Variants in MUC6 observed in about 807,000 individuals in gnomAD.
The protein encoded by MUC6 is mucin-6.
In MUC6, 188 loss-of-function variants were observed where a neutral mutation model predicts 201.5. The ratio of observed to expected loss-of-function variants is 0.93; its 90% CI spans 0.83 to 1.05. The LOEUF is 1.05. Ranked by LOEUF, MUC6 falls within the 50% of genes least tolerant of loss-of-function variation. The probability of loss-of-function intolerance (pLI) is 0.00; values close to 1 mark genes in which losing one functional copy is unlikely to be tolerated. For missense variants in MUC6, 2,706 were observed against 3,256.9 expected, an observed-to-expected ratio of 0.83 and a Z score of 4.12; for synonymous variants, 1,228 against 1,389.4, an observed-to-expected ratio of 0.88 and a Z score of 2.58.
chr11:1,029,330 C>A lies in MUC6; in HGVS notation c.1173G>T (p.Arg391=). Residue 391 remains arginine (R), a synonymous_variant, in exon 10 of 33, where the codon CGG becomes CGT. Coordinates refer to ENST00000421673, the MANE Select transcript of MUC6 (RefSeq NM_005961.3). ...CCAGGGAGCAGTGTCCGGGGCACGG[C>A]CGCTCCGTGCACACCCAGCGGCCCA... is the stretch of plus-strand genomic sequence containing the variant. ...CTLGRWVCTE[R]PCPGHCSLEG... is the part of the protein sequence containing the mutation. The A allele has an allele frequency of 6.2e-7, 1 of 1,603,966 alleles. No individual in the cohort carries two copies. Among genetic ancestry groups the A allele is most frequent in the Non-Finnish European group, 8.5e-7 (1 of 1,176,256 alleles).
Position 1,025,000 on chromosome 11 carries a change from G to A in MUC6, c.3069C>T (p.Ser1023=), listed in dbSNP as rs767284220. Reference sequence around the variant, plus strand: ...TCCACGAGTTCACCAACTCCAGCTCGCTGGATGCCACGTACCTGCTGCGCG... The same window carrying A: ...TCCACGAGTTCACCAACTCCAGCTCACTGGATGCCACGTACCTGCTGCGCG... The part of the protein sequence containing the change: ...FETRSRYVAS[S]ELELVNSWKE... The change falls in exon 24 of 33, where the codon AGC becomes AGT. Residue 1023 remains serine, a synonymous_variant. Coordinates refer to ENST00000421673, the MANE Select transcript of MUC6 (RefSeq NM_005961.3). 1.3e-5 allele frequency: 21 copies of A among 1,613,136 alleles called. No individual in the cohort carries two copies. The highest frequency in any genetic ancestry group is 2.2e-5 in the South Asian group (2 of 91,080).
At chr11:1,024,485 G>A (rs1189565585) in intron 24 of MUC6, among the ~76,000 whole-genome samples, 3 of 152,204 alleles carry the variant, frequency 2.0e-5, no homozygotes, top group Admixed American at 6.5e-5. Context: ...CGCGATGGCC[G>A]GATCACGCCC....
At chr11:1,014,946 G>A (rs1400671120) in intron 31 of MUC6, among the ~76,000 whole-genome samples, 4 of 152,182 alleles carry the variant, frequency 2.6e-5, no homozygotes, top group Non-Finnish European at 4.4e-5. Context: ...GGAGGGACCC[G>A]AACCAAGATT....
Position 1,027,416 on chromosome 11 carries a change from C to T in MUC6, c.2083G>A (p.Ala695Thr), listed in dbSNP as rs202142128. ...CAGTTGCAACCGTCCACGGGCACGG[C>T]GCTGTGGTGGCACTCGGTGGCACGG... ...SDRATECHHS[A>T]VPVDGCNCPD... is the part of the protein sequence containing the mutation. The change falls in exon 17 of 33, where the codon GCC (alanine) becomes ACC (threonine). Residue 695 changes from alanine to threonine, a missense_variant. Physicochemically the swap from Ala to Thr is moderately conservative, Grantham distance 58. This residue lies in a region of MUC6 where 1,850 missense variants were observed against 1,958.3 expected (regional missense o/e 0.94). Coordinates refer to ENST00000421673, the MANE Select transcript of MUC6 (RefSeq NM_005961.3). The T allele has an allele frequency of 8.7e-6, 14 of 1,612,808 alleles. No individual in the cohort carries two copies. The highest frequency in any genetic ancestry group is 6.7e-5 in the East Asian group (3 of 44,874).
At chr11:1,023,702 G>GCCCTGA (rs1856880849) in intron 25 of MUC6, 50 bp from the exon 26 acceptor site, 5 of 1,600,516 alleles carry the variant, frequency 3.1e-6, no homozygotes, top group African/African-American at 1.3e-5. Context: ...CCTGGCCCTG[G>GCCCTGA]CCCTGACCCG....
rs754199719 is a variant in MUC6, at chr11:1,025,001, C to T, written c.3068G>A (p.Ser1023Asn). The T allele has an allele frequency of 4.3e-6, 7 of 1,613,054 alleles. No individual in the cohort carries two copies. In the East Asian group the frequency reaches 1.6e-4, roughly 36 times the overall value. ...FETRSRYVAS[S>N]ELELVNSWKE... The stretch of plus-strand genomic sequence containing the variant: ...CCACGAGTTCACCAACTCCAGCTCG[C>T]TGGATGCCACGTACCTGCTGCGCGT... Residue 1023 changes from serine (S) to asparagine (N), a missense_variant, in exon 24 of 33, where the codon AGC becomes AAC. By Grantham distance (46) the Ser-to-Asn change is conservative. This residue lies in a region of MUC6 where 1,850 missense variants were observed against 1,958.3 expected (regional missense o/e 0.94). Coordinates refer to ENST00000421673, the MANE Select transcript of MUC6 (RefSeq NM_005961.3).
At position 1,025,366 on chromosome 11, in the gene MUC6, C is replaced by G. The variant is rs1165067635; in HGVS notation, c.2801G>C (p.Gly934Ala). The change falls in exon 23 of 33, where the codon GGC becomes GCC. Residue 934 changes from glycine (G) to alanine (A), a missense_variant and splice_region_variant. Around this residue, in one of 10 missense-constraint regions of MUC6, gnomAD observed 1,850 missense variants for 1,958.3 expected, o/e 0.94. Transcript: ENST00000421673. The part of the protein sequence containing the change: ...CSRAIKIFLG[G>A]LSVVLADRNY... ...TCTGTCCGCCAGCACCACGGACAGG[C>G]CCTGTGGGGTGGGGTTGGCATAGGA... 6.2e-7 allele frequency: 1 copy of G among 1,607,658 alleles called. No individual in the cohort carries two copies. Among genetic ancestry groups the G allele is most frequent in the African/African-American group, 1.3e-5 (1 of 74,878 alleles).
In MUC6 at chr11:1,015,833, A is replaced by G; in HGVS notation, c.6968T>C (p.Leu2323Pro). ...SPTTRFLTSS[L>P]TAHGSTPASA... ...AGCAGGGGTGCTTCCATGGGCAGTG[A>G]GGGAGCTGGTCAGGAACCGTGTGGT... is the stretch of plus-strand genomic sequence containing the variant. The change falls in exon 31 of 33, where the codon CTC (leucine) becomes CCC (proline). Residue 2323 changes from leucine (L) to proline (P), a missense_variant. Physicochemically the swap from Leu to Pro is moderately conservative, Grantham distance 98. This residue lies in a region of MUC6 where 586 missense variants were observed against 488.0 expected (regional missense o/e 1.20). Transcript: ENST00000421673. 6.3e-7 allele frequency: 1 copy of G among 1,587,304 alleles called. No individual in the cohort carries two copies. The highest frequency in any genetic ancestry group is 8.6e-7 in the Non-Finnish European group (1 of 1,164,568).
At chr11:1,020,304 C>G in intron 28 of MUC6, 47 bp from the exon 29 acceptor site, 1 of 1,554,678 alleles carries the variant, frequency 6.4e-7, no homozygotes, top group Non-Finnish European at 8.7e-7. Flanking sequence ...CCGGCATATC[C>G]TTGGGGAGCA....
intron 22 of MUC6, 35 bp from the exon 23 acceptor site, chr11:1,025,402 G>A (rs776709542): frequency 1.9e-6 from 3 of 1,589,764 alleles, no homozygotes; most frequent in Non-Finnish European, 2.6e-6. Flanking sequence ...CTGCCTGTCT[G>A]TCTCCCCCGG....
In MUC6 at chr11:1,033,561, A is replaced by G. The variant is rs72842418; in HGVS notation, c.53-486T>C. On this transcript the variant is annotated intron_variant, in intron 1 of 32. Transcript: ENST00000421673. This position sits in a 1 kb window ranked among gnomAD's most constrained non-coding sequence, Gnocchi z 5.6. ...TCTCGGTGGCTCCGGGGCTCTAAAC[A>G]TGGCCGCTTTCCTGCACGTCAGCCT... 0.11 allele frequency among the ~76,000 whole-genome samples: 16,896 copies of G among 151,468 alleles called. 1,313 individuals carry two copies. Among genetic ancestry groups the G allele is most frequent in the South Asian group, 0.34 (1,628 of 4,748 alleles).
intron 4 of MUC6, 129 bp from the exon 5 acceptor site, chr11:1,031,388 A>T: frequency 3.4e-6 from 4 of 1,163,032 alleles, no homozygotes; most frequent in Non-Finnish European, 3.6e-6. Context: ...GCCTCTTCTT[A>T]TGGGAGGCTA....
chr11:1,013,987 G>A lies in MUC6; in HGVS notation c.7054C>T (p.Arg2352Trp), dbSNP rs10902268. Residue 2352 changes from arginine to tryptophan, a missense_variant, in exon 32 of 33, where the codon CGG becomes TGG. This residue lies in a region of MUC6 where 586 missense variants were observed against 488.0 expected (regional missense o/e 1.20). Coordinates refer to ENST00000421673, the MANE Select transcript of MUC6 (RefSeq NM_005961.3). ...AACGTGATCTCCTCCTGCTGCTCCC[G>A]CACACTGCAGACCCCTGGTAGCCGA... ...TPTSPGVCSV[R>W]EQQEEITFKG... 154,080 of 1,606,538 alleles carry A rather than the reference G, an allele frequency of 0.096. 9,412 individuals carry two copies. Among genetic ancestry groups the A allele is most frequent in the Admixed American group, 0.3 (17,879 of 59,018 alleles).
chr11:1,034,622 CT>C (rs1205886048), intron 1 of MUC6, among the ~76,000 whole-genome samples: 1 of 152,208 alleles, frequency 6.6e-6, no homozygotes, highest in African/African-American at 2.4e-5. Flanking sequence ...CTGCCTGCCC[CT>C]GGGCCAGCAC....
In MUC6 at chr11:1,020,254, G is replaced by A; in HGVS notation, c.3644C>T (p.Ser1215Leu). Reference sequence around the variant, plus strand: ...CATGGGCCAGACTTGCGTGGGCCGTGAGCCTGGGTGGGCGGACATGCCATC... The same window carrying A: ...CATGGGCCAGACTTGCGTGGGCCGTAAGCCTGGGTGGGCGGACATGCCATC... ...PTTPQLPTTG[S>L]RPTQVWPMTG... The change falls in exon 29 of 33, where the codon TCA becomes TTA. Residue 1215 changes from serine to leucine, a missense_variant. By Grantham distance (145) the Ser-to-Leu change is moderately radical. This residue lies in a region of MUC6 where 1,850 missense variants were observed against 1,958.3 expected (regional missense o/e 0.94). Transcript: ENST00000421673. 1 of 1,601,664 alleles carries A rather than the reference G, an allele frequency of 6.2e-7. No homozygotes were observed. Among genetic ancestry groups the A allele is most frequent in the Non-Finnish European group, 8.5e-7 (1 of 1,174,832 alleles).
intron 24 of MUC6, 62 bp downstream of exon 24, chr11:1,024,782 C>T (rs1164516145): frequency 1.9e-6 from 3 of 1,540,822 alleles, no homozygotes; most frequent in Non-Finnish European, 2.6e-6. Flanking sequence ...CCCGCCCCTT[C>T]CCCCGCCCCC....
At chr11:1,024,357 A>G (rs963653591) in intron 24 of MUC6, among the ~76,000 whole-genome samples, 8 of 152,092 alleles carry the variant, frequency 5.3e-5, no homozygotes, top group African/African-American at 1.7e-4. Flanking sequence ...GCCGCTAACC[A>G]CGGCCACTGC....
chr11:1,021,336 G>T, intron 26 of MUC6, 59 bp from the exon 27 acceptor site: 31 of 1,100,250 alleles, frequency 2.8e-5, no homozygotes, highest in Non-Finnish European at 3.6e-5. Context: ...CCACCTGCGT[G>T]TTTCCTGCCC....
rs774410598 is a variant in MUC6 at position 1,033,128 on chromosome 11, G to T, written c.53-53C>A. On this transcript the variant is annotated intron_variant, in intron 1 of 32. Transcript: ENST00000421673. The surrounding 1 kb of genome is among the most constrained non-coding windows in gnomAD (Gnocchi z 5.6). ...TGGGGCTACCCCGTCGTCCCTGAGG[G>T]CGCCGCTCACCTCTGCTCAGGGCTG... 6.4e-7 allele frequency: 1 copy of T among 1,561,784 alleles called. No individual in the cohort carries two copies. The highest frequency in any genetic ancestry group is 8.8e-7 in the Non-Finnish European group (1 of 1,133,064).
Sources: allele counts gnomAD v4.1 joint callset (sites outside exome capture counted in the v4.1 genomes callset), GRCh38; gene constraint gnomAD v4.1.1; regional missense constraint gnomAD v4.1.1; non-coding constraint Gnocchi (gnomAD v3.1); transcripts MANE v1.5; gene names NCBI Gene and HGNC (gene_info 2026-07-23, HGNC 2026-07-21).